Variants in LIG3 observed in about 807,000 individuals in gnomAD.
LIG3 encodes the protein DNA ligase 3, also known as ligase II, DNA, ATP-dependent.
A neutral mutation model predicts 110.9 loss-of-function variants in LIG3; 58 were observed. The ratio of observed to expected loss-of-function variants is 0.52; its 90% CI spans 0.42 to 0.65. The LOEUF is 0.65. Ranked by LOEUF, LIG3 falls within the 30% of genes least tolerant of loss-of-function variation. The probability of loss-of-function intolerance (pLI) is 0.00; values close to 1 mark genes in which losing one functional copy is unlikely to be tolerated. For missense variants in LIG3, 1,094 were observed against 1,273.8 expected (o/e 0.86, Z 2.15); for synonymous variants, 422 against 472.8 (o/e 0.89, Z 1.39).
chr17:34,998,874 G>GGTGAC, intron 14 of LIG3, 147 bp downstream of exon 14: 1 of 918,778 alleles, frequency 1.1e-6, no homozygotes, highest in Non-Finnish European at 1.6e-6. Context: ...GCTGGCCTGA[G>GGTGAC]TCACCTCAGG....
At chr17:34,987,918 G>A (rs2090674421) in intron 3 of LIG3, among the ~76,000 whole-genome samples, 1 of 152,070 alleles carries the variant, frequency 6.6e-6, no homozygotes, top group South Asian at 2.1e-4. Context: ...TTCTGGGCCG[G>A]GCGCGGTGGC....
In LIG3 at chr17:34,997,589, G is replaced by A. The variant is rs931550890; in HGVS notation, c.1824-149G>A. 2.2e-5 allele frequency: 14 copies of A among 628,386 alleles called. No individual in the cohort carries two copies. The Middle Eastern group carries it at 1.3e-3, about 56-fold the overall frequency. The allele number at this position is 628,386 out of a possible 1,614,324, so 38.9% of individuals were successfully genotyped here. ...TCACGATGGAGCCCTTGTAGCCCTT[G>A]ACAGCAGAACTGTTACACATGAGGT... On this transcript the variant is annotated intron_variant, in intron 11 of 19. Transcript: ENST00000378526.
Position 34,983,052 on chromosome 17 carries a change from T to C in LIG3, c.47T>C (p.Leu16Pro), listed in dbSNP as rs775018766. ...KIFFPQTLRA[L>P]SRKELCLFRK... ...TTCTTTCCACAAACCCTCCGTGCAC[T>C]CAGCCGAAAAGAACTGTGCCTATTC... The change falls in exon 2 of 20, where the codon CTC becomes CCC. Residue 16 changes from leucine (L) to proline (P), a missense_variant. Physicochemically the swap from Leu to Pro is moderately conservative, Grantham distance 98. Transcript: ENST00000378526. The C allele has an allele frequency of 1.9e-5, 31 of 1,610,892 alleles. No individual in the cohort carries two copies. Among genetic ancestry groups the C allele is most frequent in the Non-Finnish European group, 2.5e-5 (30 of 1,178,500 alleles).
chr17:35,000,399 C>T (rs933665112), intron 16 of LIG3, among the ~76,000 whole-genome samples: 1 of 152,132 alleles, frequency 6.6e-6, no homozygotes, highest in Admixed American at 6.5e-5. Context: ...GCTGGGATTA[C>T]AGGCATGTGC....
intron 11 of LIG3, 38 bp downstream of exon 11, chr17:34,996,691 G>C: frequency 6.5e-7 from 1 of 1,544,372 alleles, no homozygotes; most frequent in Non-Finnish European, 8.9e-7. Flanking sequence ...GAAACTGCCA[G>C]GAATCTGTTT....
intron 3 of LIG3, among the ~76,000 whole-genome samples, chr17:34,987,509 A>G (rs950632502): frequency 5.9e-5 from 9 of 152,362 alleles, no homozygotes; most frequent in African/African-American, 2.2e-4. Context: ...CAGCTGAAGA[A>G]AATAAATAAA....
Position 34,991,075 on chromosome 17 carries a change from T to G in LIG3, c.1002T>G (p.Phe334Leu). ...KQIVKLFSRI[F>L]NCNPDDMARD... is the part of the protein sequence containing the mutation. ...TTGTGAAGCTTTTCAGTCGCATTTT[T>G]AACTGCAACCCAGATGATATGGCAC... The change falls in exon 5 of 20, where the codon TTT becomes TTG. Residue 334 changes from phenylalanine (F) to leucine (L), a missense_variant. Coordinates refer to ENST00000378526, the MANE Select transcript of LIG3 (RefSeq NM_013975.4). 2 of 1,614,166 alleles carry G rather than the reference T, an allele frequency of 1.2e-6. No homozygotes were observed. The highest frequency in any genetic ancestry group is 3.3e-5 in the Admixed American group (2 of 60,032).
chr17:34,983,708 C>G (rs1324935285), intron 2 of LIG3, among the ~76,000 whole-genome samples, 156 bp downstream of exon 2: 1 of 152,180 alleles, frequency 6.6e-6, no homozygotes, highest in East Asian at 1.9e-4. Flanking sequence ...GCATTCGTAG[C>G]TCACTGCAGC....
intron 1 of LIG3, 80 bp downstream of exon 1, chr17:34,980,702 G>A (rs2090574547): frequency 5.9e-6 from 5 of 853,058 alleles, no homozygotes; most frequent in African/African-American, 5.5e-5. Context: ...GGAGCTCGGC[G>A]CGGCCGGGGA....
At position 34,991,994 on chromosome 17, in the gene LIG3, G is replaced by A. The variant is rs1198167352; in HGVS notation, c.1245G>A (p.Leu415=). ...TANDLKCIIR[L]IKHDLKMNSG... ...ATGACCTTAAATGCATCATCAGGTT[G>A]ATCAAACATGATCTGAAGATGAACT... Residue 415 remains leucine (L), a synonymous_variant, in exon 7 of 20, where the codon TTG becomes TTA. Transcript: ENST00000378526. 5 of 1,614,068 alleles carry A rather than the reference G, an allele frequency of 3.1e-6. No homozygotes were observed. The East Asian group carries it at 8.9e-5, about 29-fold the overall frequency.
chr17:35,009,674 T>C lies in LIG3; in HGVS notation c.*5168T>C, dbSNP rs2090923287. Reference sequence around the variant, plus strand: ...GGGGATAAAAGATTTAAAGGCAAAATGAGTAAACAACCTCAGTTTTAATTC... The same window carrying C: ...GGGGATAAAAGATTTAAAGGCAAAACGAGTAAACAACCTCAGTTTTAATTC... On this transcript the variant is annotated 3_prime_UTR_variant, in exon 20 of 20. Coordinates refer to ENST00000378526, the MANE Select transcript of LIG3 (RefSeq NM_013975.4). The C allele has an allele frequency of 6.6e-6, 1 of 151,884 alleles. No homozygotes were observed. Among genetic ancestry groups the C allele is most frequent in the Admixed American group, 6.6e-5 (1 of 15,238 alleles). The allele number at this position is 151,884 out of a possible 1,614,324, so 9.4% of individuals were successfully genotyped here.
intron 4 of LIG3, 137 bp from the exon 5 acceptor site, chr17:34,990,826 A>T: frequency 1.4e-6 from 1 of 720,696 alleles, no homozygotes; most frequent in Non-Finnish European, 2.2e-6. Context: ...CAAACTTGTG[A>T]GCTTAAGCAA....
At chr17:34,996,279 G>A in intron 10 of LIG3, 84 bp downstream of exon 10, 1 of 1,460,792 alleles carries the variant, frequency 6.8e-7, no homozygotes, top group Admixed American at 1.8e-5. Context: ...TCTGAAAAGG[G>A]AGGAAATATC....
At chr17:34,989,899 T>G in intron 4 of LIG3, 3 of 526,096 alleles carry the variant, frequency 5.7e-6, no homozygotes, top group Non-Finnish European at 1.0e-5. Flanking sequence ...GCATCTGTCT[T>G]CCTCTCCCCT....
chr17:34,982,918 G>A (rs1053167050), intron 1 of LIG3, 84 bp from the exon 2 acceptor site: 1 of 1,061,050 alleles, frequency 9.4e-7, no homozygotes, highest in Non-Finnish European at 1.4e-6. Flanking sequence ...GACTATATAA[G>A]ACGCTGGCCT....
At chr17:35,001,797 T>A in intron 17 of LIG3, 112 bp from the exon 18 acceptor site, 2 of 953,572 alleles carry the variant, frequency 2.1e-6, no homozygotes, top group Admixed American at 5.7e-5. Flanking sequence ...TTGCTCTTTA[T>A]CTTTCTCACA....
In LIG3 at chr17:34,995,311, T is replaced by C. The variant is rs371623962; in HGVS notation, c.1612-753T>C. On this transcript the variant is annotated intron_variant, in intron 9 of 19. Coordinates refer to ENST00000378526, the MANE Select transcript of LIG3 (RefSeq NM_013975.4). ...CTCATTGTGGAGCTTTAATGCAGGT[T>C]CACGTGTTCTGTGAAGCACTGCAAA... is the stretch of plus-strand genomic sequence containing the variant. Among the ~76,000 whole-genome samples, 5 of 152,336 alleles carry C rather than the reference T, an allele frequency of 3.3e-5. No homozygotes were observed. The East Asian group carries it at 5.8e-4, about 18-fold the overall frequency.
At chr17:34,991,517 G>A (rs976940779) in intron 5 of LIG3, 154 bp from the exon 6 acceptor site, 7 of 700,258 alleles carry the variant, frequency 1.0e-5, no homozygotes, top group Admixed American at 2.8e-5. Flanking sequence ...AGGAATTGTG[G>A]ATGGGCTAGT....
chr17:34,986,865 T>G (rs1268579996), intron 3 of LIG3, among the ~76,000 whole-genome samples: 1 of 152,134 alleles, frequency 6.6e-6, no homozygotes, highest in African/African-American at 2.4e-5. Flanking sequence ...CCTTCTTGAT[T>G]CTTAAAACTG....
Sources: allele counts gnomAD v4.1 joint callset (sites outside exome capture counted in the v4.1 genomes callset), GRCh38; gene constraint gnomAD v4.1.1; transcripts MANE v1.5; gene names NCBI Gene and HGNC (gene_info 2026-07-23, HGNC 2026-07-21).